HMGCS1: variants seen among roughly 807,000 people sequenced by gnomAD.
HMGCS1 encodes the protein hydroxymethylglutaryl-CoA synthase, cytoplasmic.
Under a neutral mutation model 52.3 loss-of-function variants are expected in HMGCS1, and 9 were observed. The ratio of observed to expected loss-of-function variants is 0.17; its 90% CI spans 0.10 to 0.30. The LOEUF (loss-of-function observed/expected upper bound fraction) is 0.30, where lower values mean the gene tolerates loss of function less well. Among genes scored for constraint, HMGCS1 ranks in the 10% least tolerant of loss-of-function variants. The pLI, the probability that HMGCS1 is intolerant of heterozygous loss-of-function variation, is 1.00. For synonymous variants in HMGCS1, 176 were observed against 214.4 expected (o/e 0.82, Z 1.57); for missense variants, 320 against 620.9 (o/e 0.52, Z 5.15).
At position 43,310,201 on chromosome 5, in the gene HMGCS1, A is replaced by G. The variant is rs189960130; in HGVS notation, c.-69-2377T>C. 5.3e-5 allele frequency among the ~76,000 whole-genome samples: 8 copies of G among 152,338 alleles called. No homozygotes were observed. The East Asian group carries it at 1.5e-3, about 29-fold the overall frequency. On this transcript the variant is annotated intron_variant, in intron 1 of 10. Coordinates refer to ENST00000325110, the MANE Select transcript of HMGCS1 (RefSeq NM_001098272.3). ...TGGTATAGTTCTCCAAGTAAAAAGC[A>G]TGGACATCCCTGCCTCCTCCCAGAG...
In HMGCS1 at chr5:43,297,171, T is replaced by C. The variant is rs147135216; in HGVS notation, c.575-5A>G. On this transcript the variant is annotated splice_polypyrimidine_tract_variant and splice_region_variant and intron_variant, in intron 4 of 10. Transcript: ENST00000325110. ...GCATATGTGTCCCACGAAGCCCTATTAGAACCAAAAAGGAAGATGTCTATA... is the reference window on the plus strand; with the variant it reads ...GCATATGTGTCCCACGAAGCCCTATCAGAACCAAAAAGGAAGATGTCTATA... 15 of 1,607,314 alleles carry C rather than the reference T, an allele frequency of 9.3e-6. No individual in the cohort carries two copies. The East Asian group carries it at 2.9e-4, about 31-fold the overall frequency.
At position 43,295,937 on chromosome 5, in the gene HMGCS1, A is replaced by AG; in HGVS notation, c.740-21_740-20insC. 3 of 1,585,610 alleles carry AG rather than the reference A, an allele frequency of 1.9e-6. No homozygotes were observed. The highest frequency in any genetic ancestry group is 2.6e-6 in the Non-Finnish European group (3 of 1,158,756). On this transcript the variant is annotated intron_variant, in intron 5 of 10. Transcript: ENST00000325110. ...TTCCCTCTGAAAGAGAAGTCCAAGG[A>AG]AACTATGAAATTCATATAAGCCATG...
intron 1 of HMGCS1, among the ~76,000 whole-genome samples, chr5:43,312,428 C>T (rs747158004): frequency 3.3e-5 from 5 of 152,218 alleles, no homozygotes; most frequent in Non-Finnish European, 5.9e-5. Context: ...CAGGCACAAC[C>T]TCACATTATT....
chr5:43,294,650 CA>C (rs1753943624), intron 7 of HMGCS1, 40 bp downstream of exon 7: 1 of 1,452,028 alleles, frequency 6.9e-7, no homozygotes, highest in East Asian at 2.4e-5. Context: ...TAACATCTCC[CA>C]AATAAGGGGA....
intron 1 of HMGCS1, among the ~76,000 whole-genome samples, chr5:43,309,176 A>C (rs1754729363): frequency 6.6e-6 from 1 of 151,624 alleles, no homozygotes; most frequent in Non-Finnish European, 1.5e-5. Flanking sequence ...TACTTGTATC[A>C]AGGAAATTTT....
In HMGCS1 at chr5:43,298,384, A is replaced by C. The variant is rs1754139199; in HGVS notation, c.448+134T>G. 1.4e-6 allele frequency: 1 copy of C among 701,514 alleles called. No individual in the cohort carries two copies. The highest frequency in any genetic ancestry group is 2.4e-6 in the Non-Finnish European group (1 of 424,262). The allele number at this position is 701,514 out of a possible 1,614,324, so 43.5% of individuals were successfully genotyped here. On this transcript the variant is annotated intron_variant, in intron 3 of 10. Coordinates refer to ENST00000325110, the MANE Select transcript of HMGCS1 (RefSeq NM_001098272.3). This position sits in a 1 kb window ranked among gnomAD's most constrained non-coding sequence, Gnocchi z 5.6. ...ATTCGGATAATGACAGACAGGTAAA[A>C]TATCTTTCTTAATATATCCAAACAA...
Position 43,298,959 on chromosome 5 carries a change from C to G in HMGCS1, c.7G>C (p.Gly3Arg), listed in dbSNP as rs1171779337. Residue 3 changes from glycine (G) to arginine (R), a missense_variant, in exon 3 of 11, where the codon GGA becomes CGA. By Grantham distance (125) the Gly-to-Arg change is moderately radical. Transcript: ENST00000325110. The surrounding 1 kb of genome is among the most constrained non-coding windows in gnomAD (Gnocchi z 5.6). Reference protein sequence around the residue: MPGSLPLNAEACW... With the variant: MPRSLPLNAEACW... ...GCTTCTGCATTCAAAGGAAGTGATC[C>G]AGGCATGGTGAAAGAGCTTTAGAAA... The G allele has an allele frequency of 2.5e-6, 4 of 1,609,002 alleles. No individual in the cohort carries two copies. Among genetic ancestry groups the G allele is most frequent in the Non-Finnish European group, 3.4e-6 (4 of 1,177,580 alleles).
chr5:43,310,578 A>G (rs1754811221), intron 1 of HMGCS1, among the ~76,000 whole-genome samples: 1 of 152,190 alleles, frequency 6.6e-6, no homozygotes, highest in Non-Finnish European at 1.5e-5. Flanking sequence ...CAAATCTTTT[A>G]GATTTAATAC....
intron 2 of HMGCS1, among the ~76,000 whole-genome samples, chr5:43,302,092 G>C (rs1055499673): frequency 9.2e-5 from 14 of 152,178 alleles, no homozygotes. Context: ...TTTCGTTCCT[G>C]TCATTTCACC....
intron 2 of HMGCS1, among the ~76,000 whole-genome samples, chr5:43,306,112 A>G (rs1225611628): frequency 6.6e-6 from 1 of 152,212 alleles, no homozygotes; most frequent in Non-Finnish European, 1.5e-5. Flanking sequence ...AAAGTCTTAA[A>G]TAAGTCTCAT....
intron 2 of HMGCS1, among the ~76,000 whole-genome samples, chr5:43,307,132 G>A (rs541912600): frequency 2.0e-4 from 29 of 147,968 alleles, no homozygotes; most frequent in African/African-American, 7.0e-4. Flanking sequence ...GTGCAGTGGC[G>A]CAATCTCAGC....
intron 7 of HMGCS1, 82 bp downstream of exon 7, chr5:43,294,609 A>G (rs1753941540): frequency 1.9e-6 from 2 of 1,042,784 alleles, no homozygotes; most frequent in South Asian, 1.8e-5. Flanking sequence ...TACCACCAAC[A>G]TGCTTGACAC....
At chr5:43,304,063 T>C (rs1005427108) in intron 2 of HMGCS1, among the ~76,000 whole-genome samples, 4 of 152,240 alleles carry the variant, frequency 2.6e-5, no homozygotes, top group African/African-American at 7.2e-5. Context: ...AATGAAAATA[T>C]AAAAGGGCTG....
chr5:43,289,054 C>A lies in HMGCS1; in HGVS notation c.*2077G>T, dbSNP rs1753617008. ...TTAGCTTTTTTAAGGAAAACAGTAA[C>A]TCATTTCATAAATATTTATAGCAAA... On this transcript the variant is annotated 3_prime_UTR_variant, in exon 11 of 11. Coordinates refer to ENST00000325110, the MANE Select transcript of HMGCS1 (RefSeq NM_001098272.3). The A allele has an allele frequency of 1.3e-5, 2 of 152,144 alleles. No individual in the cohort carries two copies. The highest frequency in any genetic ancestry group is 2.9e-5 in the Non-Finnish European group (2 of 68,010). 9.4% of individuals were successfully genotyped at this position (152,144 alleles called of 1,614,324 possible). A position where few individuals can be genotyped will look rare whatever the true frequency, so the allele number is the denominator to read the frequency against.
rs922663478 is a variant in HMGCS1 at position 43,291,216 on chromosome 5, A to T, written c.1478T>A (p.Ile493Asn). The T allele has an allele frequency of 1.4e-5, 22 of 1,606,560 alleles. No individual in the cohort carries two copies. The highest frequency in any genetic ancestry group is 1.7e-5 in the Non-Finnish European group (20 of 1,173,172). The change falls in exon 11 of 11, where the codon ATT becomes AAT. Residue 493 changes from isoleucine to asparagine, a missense_variant. By Grantham distance (149) the Ile-to-Asn change is moderately radical (BLOSUM62 -3). This residue lies in a region of HMGCS1 where 213 missense variants were observed against 337.4 expected (regional missense o/e 0.63). Coordinates refer to ENST00000325110, the MANE Select transcript of HMGCS1 (RefSeq NM_001098272.3). ...LVHSNIATEH[I>N]PSPAKKVPRL... The stretch of plus-strand genomic sequence containing the variant: ...TGGTACTTTCTTGGCAGGGCTTGGA[A>T]TATGCTAAAATGAAAGGAAAAAAGT...
intron 10 of HMGCS1, among the ~76,000 whole-genome samples, chr5:43,291,586 G>T (rs1753770366): frequency 6.6e-6 from 1 of 152,134 alleles, no homozygotes; most frequent in Non-Finnish European, 1.5e-5. Context: ...GTAGTAAGCA[G>T]ATAAATAAGT....
rs1238442278 is a variant in HMGCS1, at chr5:43,289,810, T to G, written c.*1321A>C. 6.6e-6 allele frequency: 1 copy of G among 152,610 alleles called. No homozygotes were observed. The highest frequency in any genetic ancestry group is 1.9e-4 in the East Asian group (1 of 5,204). The allele number at this position is 152,610 out of a possible 1,614,324, so 9.5% of individuals were successfully genotyped here. On this transcript the variant is annotated 3_prime_UTR_variant, in exon 11 of 11. Coordinates refer to ENST00000325110, the MANE Select transcript of HMGCS1 (RefSeq NM_001098272.3). ...TTTGTGTATATTTATTTTAGATAAC[T>G]GAAACTTCACAGAATTTAACAGCAA...
chr5:43,301,798 A>G (rs1312416161), intron 2 of HMGCS1, among the ~76,000 whole-genome samples: 1 of 152,238 alleles, frequency 6.6e-6, no homozygotes, highest in African/African-American at 2.4e-5. Context: ...AAAAACATGG[A>G]AAAAGCAAAA....
intron 10 of HMGCS1, 83 bp downstream of exon 10, chr5:43,292,391 T>A (rs2111630294): frequency 1.7e-5 from 13 of 781,348 alleles, no homozygotes; most frequent in Non-Finnish European, 2.1e-5. Context: ...CTTACTCTTC[T>A]TTACTGACAT....
Sources: gnomAD v4.1 joint callset for allele counts (sites outside exome capture counted in the v4.1 genomes callset) on GRCh38, gnomAD v4.1.1 for gene constraint, gnomAD v4.1.1 regional missense constraint, Gnocchi (gnomAD v3.1) non-coding constraint, MANE v1.5 for transcripts, NCBI Gene and HGNC (gene_info 2026-07-23, HGNC 2026-07-21) for gene names.